FBXL7: variants seen among roughly 807,000 people sequenced by gnomAD.
The protein encoded by FBXL7 is F-box and leucine rich repeat protein 7.
A neutral mutation model predicts 38.3 loss-of-function variants in FBXL7; 12 were observed. The observed-to-expected ratio is 0.31, with a 90% CI of 0.20 to 0.51. FBXL7 has a LOEUF of 0.51. Ranked by LOEUF, FBXL7 falls within the 20% of genes least tolerant of loss-of-function variation. The probability of loss-of-function intolerance (pLI) is 0.98; values close to 1 mark genes in which losing one functional copy is unlikely to be tolerated. For missense variants in FBXL7, 567 were observed against 676.4 expected, an observed-to-expected ratio of 0.84 and a Z score of 1.79; for synonymous variants, 297 against 300.9, an observed-to-expected ratio of 0.99 and a Z score of 0.13.
At chr5:15,581,497 C>A (rs780035471) in intron 1 of FBXL7, among the ~76,000 whole-genome samples, 1 of 152,104 alleles carries the variant, frequency 6.6e-6, no homozygotes, top group Non-Finnish European at 1.5e-5. Context: ...CAGCATGCTG[C>A]CTTTCAGAGA....
intron 2 of FBXL7, among the ~76,000 whole-genome samples, chr5:15,827,024 A>G (rs138440102): frequency 1.3e-4 from 20 of 151,900 alleles, no homozygotes; most frequent in East Asian, 7.8e-4. Context: ...TTCTTCACCT[A>G]CAATCACCTT....
chr5:15,525,169 A>T (rs1432151744), intron 1 of FBXL7, among the ~76,000 whole-genome samples: 1 of 152,216 alleles, frequency 6.6e-6, no homozygotes, highest in East Asian at 1.9e-4. Flanking sequence ...TGGATTAAAC[A>T]TTCCCAAAGT....
At chr5:15,917,382 G>A (rs1228146310) in intron 2 of FBXL7, among the ~76,000 whole-genome samples, 1 of 152,108 alleles carries the variant, frequency 6.6e-6, no homozygotes, top group Non-Finnish European at 1.5e-5. Flanking sequence ...AGGCTAAGGT[G>A]GCAAGATCAC....
Position 15,928,005 on chromosome 5 carries a change from C to A in FBXL7, c.243C>A (p.Thr81=). Residue 81 remains threonine (T), a synonymous_variant, in exon 3 of 4, where the codon ACC becomes ACA. Transcript: ENST00000504595. This position sits in a 1 kb window ranked among gnomAD's most constrained non-coding sequence, Gnocchi z 4.0. Reference sequence around the variant, plus strand: ...CGTCCACCTCCTCGTCCTCCATCACCGGGGAGACGGTGGCCATGGTGCACT... The same window carrying A: ...CGTCCACCTCCTCGTCCTCCATCACAGGGGAGACGGTGGCCATGGTGCACT... The part of the protein sequence containing the change: ...RGSSTSSSSI[T]GETVAMVHSP... 1 of 1,603,902 alleles carries A rather than the reference C, an allele frequency of 6.2e-7. No individual in the cohort carries two copies. Among genetic ancestry groups the A allele is most frequent in the Non-Finnish European group, 8.5e-7 (1 of 1,173,854 alleles).
At chr5:15,682,401 G>A (rs1303806987) in intron 2 of FBXL7, among the ~76,000 whole-genome samples, 3 of 151,842 alleles carry the variant, frequency 2.0e-5, no homozygotes, top group Non-Finnish European at 4.4e-5. Context: ...AAACAGGTTG[G>A]GTGAACATAC....
chr5:15,791,321 A>G (rs1335425001), intron 2 of FBXL7, among the ~76,000 whole-genome samples: 1 of 152,170 alleles, frequency 6.6e-6, no homozygotes, highest in Admixed American at 6.5e-5. Context: ...CTTTGTTTCA[A>G]ACTTTCTGTT....
At chr5:15,716,459 T>C (rs1744046863) in intron 2 of FBXL7, among the ~76,000 whole-genome samples, 1 of 152,182 alleles carries the variant, frequency 6.6e-6, no homozygotes, top group Admixed American at 6.5e-5. Context: ...CTGCCCCCTC[T>C]GTGTCTCTGC....
intron 2 of FBXL7, among the ~76,000 whole-genome samples, chr5:15,870,996 C>G (rs1222592073): frequency 1.3e-5 from 2 of 152,210 alleles, no homozygotes; most frequent in Non-Finnish European, 2.9e-5. Flanking sequence ...GGGTCCCTGA[C>G]CCACGTGCCT....
Position 15,937,229 on chromosome 5 carries a change from C to G in FBXL7, c.*43C>G, listed in dbSNP as rs749202047. On this transcript the variant is annotated 3_prime_UTR_variant, in exon 4 of 4. Coordinates refer to ENST00000504595, the MANE Select transcript of FBXL7 (RefSeq NM_012304.5). Reference sequence around the variant, plus strand: ...GGCGTTGTATTCACACAAACCTGAACAAAGCAAATTTTTTTAAAAGCAGCG... The same window carrying G: ...GGCGTTGTATTCACACAAACCTGAAGAAAGCAAATTTTTTTAAAAGCAGCG... The G allele has an allele frequency of 4.0e-6, 6 of 1,494,250 alleles. No individual in the cohort carries two copies. In the African/African-American group the frequency reaches 8.4e-5, roughly 21 times the overall value. 92.6% of individuals were successfully genotyped at this position (1,494,250 alleles called of 1,614,324 possible). A position where few individuals can be genotyped will look rare whatever the true frequency, so the allele number is the denominator to read the frequency against.
Position 15,902,747 on chromosome 5 carries a change from A to G in FBXL7, c.128-25143A>G, listed in dbSNP as rs148942227. ...TTGGTTCAGCAAGTCCTCCAAATTG[A>G]GAGAAATAATAGAGCTGTACTCAGA... On this transcript the variant is annotated intron_variant, in intron 2 of 3. Coordinates refer to ENST00000504595, the MANE Select transcript of FBXL7 (RefSeq NM_012304.5). Among the ~76,000 whole-genome samples, 10 of 152,374 alleles carry G rather than the reference A, an allele frequency of 6.6e-5. No individual in the cohort carries two copies. The East Asian group carries it at 1.7e-3, about 26-fold the overall frequency.
At chr5:15,934,957 G>C (rs552222433) in intron 3 of FBXL7, among the ~76,000 whole-genome samples, 1 of 152,274 alleles carries the variant, frequency 6.6e-6, no homozygotes, top group African/African-American at 2.4e-5. Flanking sequence ...AAAGACTCCT[G>C]AAAATAAAGG....
chr5:15,566,116 C>G (rs1410777006), intron 1 of FBXL7, among the ~76,000 whole-genome samples: 2 of 151,974 alleles, frequency 1.3e-5, no homozygotes. Context: ...AAATTCACAT[C>G]TCTTCTATGT....
chr5:15,758,584 G>T (rs1736360444), intron 2 of FBXL7, among the ~76,000 whole-genome samples: 1 of 152,076 alleles, frequency 6.6e-6, no homozygotes, highest in Non-Finnish European at 1.5e-5. Flanking sequence ...GGACCATTTT[G>T]CAACAATTAA....
chr5:15,663,938 T>C (rs1039930208), intron 2 of FBXL7, among the ~76,000 whole-genome samples: 7 of 152,216 alleles, frequency 4.6e-5, no homozygotes, highest in African/African-American at 1.7e-4. Context: ...GGGGTGTTTG[T>C]ACCATTTACA....
chr5:15,636,003 G>T (rs1313519813), intron 2 of FBXL7, among the ~76,000 whole-genome samples: 1 of 151,590 alleles, frequency 6.6e-6, no homozygotes, highest in Non-Finnish European at 1.5e-5. Flanking sequence ...CTATAGCAAG[G>T]TTAGTAGAGA....
chr5:15,572,184 TA>T (rs1738810774), intron 1 of FBXL7, among the ~76,000 whole-genome samples: 1 of 152,158 alleles, frequency 6.6e-6, no homozygotes, highest in Non-Finnish European at 1.5e-5. Flanking sequence ...CATAGTCATT[TA>T]ATCTTCCTGA....
intron 1 of FBXL7, among the ~76,000 whole-genome samples, chr5:15,611,412 A>T (rs1174209288): frequency 6.6e-6 from 1 of 151,868 alleles, no homozygotes; most frequent in African/African-American, 2.4e-5. Context: ...CCTAAGTGCA[A>T]GAGGGCTGTG....
intron 2 of FBXL7, among the ~76,000 whole-genome samples, chr5:15,729,084 G>A (rs1301825533): frequency 2.6e-5 from 4 of 152,082 alleles, no homozygotes; most frequent in East Asian, 3.8e-4. Context: ...CTTCTACACC[G>A]TTAATATATG....
chr5:15,593,529 A>G (rs1739539213), intron 1 of FBXL7, among the ~76,000 whole-genome samples: 1 of 152,072 alleles, frequency 6.6e-6, no homozygotes, highest in African/African-American at 2.4e-5. Flanking sequence ...ATCTCAAAAA[A>G]GAAATAAGCA....
Sources: allele counts gnomAD v4.1 joint callset (sites outside exome capture counted in the v4.1 genomes callset), GRCh38; gene constraint gnomAD v4.1.1; non-coding constraint Gnocchi (gnomAD v3.1); transcripts MANE v1.5; gene names NCBI Gene and HGNC (gene_info 2026-07-23, HGNC 2026-07-21).